MRM3: variants seen among roughly 807,000 people sequenced by gnomAD.
MRM3 encodes mitochondrial rRNA methyltransferase 3.
MRM3 carries 26 observed loss-of-function variants against 29.4 expected under a neutral mutation model. That is an observed-to-expected ratio of 0.89 (90% CI 0.65 to 1.23). The LOEUF (loss-of-function observed/expected upper bound fraction) is 1.23. MRM3 is among the 50% of genes most tolerant of loss of function. The probability of loss-of-function intolerance (pLI) is 0.00; values close to 1 mark genes in which losing one functional copy is unlikely to be tolerated. For synonymous variants in MRM3, 225 were observed against 219.0 expected, an observed-to-expected ratio of 1.03 and a Z score of -0.24; for missense variants, 578 against 540.2, an observed-to-expected ratio of 1.07 and a Z score of -0.69.
At chr17:786,906 C>G (rs186078803) in intron 2 of MRM3, among the ~76,000 whole-genome samples, 2 of 152,172 alleles carry the variant, frequency 1.3e-5, no homozygotes, top group Non-Finnish European at 2.9e-5. Context: ...AATAATTTAA[C>G]AGTCCATAGG....
rs763353815 is a variant in MRM3, at chr17:791,898, G to A, written c.1092G>A (p.Leu364=). The change falls in exon 4 of 4, where the codon CTG becomes CTA. Residue 364 remains leucine (L), a synonymous_variant. Transcript: ENST00000304478. Reference sequence around the variant, plus strand: ...GCGGGGAGACCTACGGCGTGAGCCTGGAGTCCCTGCAGCTGGCCGAGAGCA... The same window carrying A: ...GCGGGGAGACCTACGGCGTGAGCCTAGAGTCCCTGCAGCTGGCCGAGAGCA... The part of the protein sequence containing the change: ...VIGGETYGVS[L]ESLQLAESTG... 3.1e-6 allele frequency: 5 copies of A among 1,613,826 alleles called. No individual in the cohort carries two copies. In the African/African-American group the frequency reaches 6.7e-5, roughly 22 times the overall value.
chr17:782,771 G>A (rs1910210294), intron 1 of MRM3, 79 bp downstream of exon 1: 2 of 1,432,550 alleles, frequency 1.4e-6, no homozygotes, highest in Middle Eastern at 2.4e-4. Flanking sequence ...CCTTCCGATG[G>A]AGGACTTCTT....
At position 792,025 on chromosome 17, in the gene MRM3, C is replaced by CG; in HGVS notation, c.1224dup (p.Arg409GlufsTer18). 6.2e-7 allele frequency: 1 copy of CG among 1,612,624 alleles called. No homozygotes were observed. On this transcript the variant is annotated frameshift_variant, in exon 4 of 4. Coordinates refer to ENST00000304478, the MANE Select transcript of MRM3 (RefSeq NM_018146.4). LOFTEE classifies it high-confidence loss of function. The stretch of plus-strand genomic sequence containing the variant: ...GCTTTTCGAAGGGAAAAGACAGCTG[C>CG]GGGGGAGGGCGGAGGACTTGAGCAG...
chr17:783,000 CTTTA>C, intron 1 of MRM3, 79 bp from the exon 2 acceptor site: 2 of 1,519,692 alleles, frequency 1.3e-6, no homozygotes, highest in Non-Finnish European at 1.8e-6. Flanking sequence ...CTCCGTAGCT[CTTTA>C]TTTCTGTTAC....
Position 789,899 on chromosome 17 carries a change from C to T in MRM3, c.728-1635C>T, listed in dbSNP as rs574548967. The T allele has an allele frequency of 9.2e-5, 14 of 152,346 alleles. No homozygotes were observed. The East Asian group carries it at 2.7e-3, about 29-fold the overall frequency. The allele number at this position is 152,346 out of a possible 1,614,324, so 9.4% of individuals were successfully genotyped here. On this transcript the variant is annotated intron_variant, in intron 3 of 3. Transcript: ENST00000304478. The stretch of plus-strand genomic sequence containing the variant: ...CATGAGGATGACGGGAGGAGTCTCG[C>T]CTTTCCCCTTTCCCTTCTCCCCTCC...
In MRM3 at chr17:783,337, T is replaced by C. The variant is rs371679011; in HGVS notation, c.559+10T>C. 2 of 1,562,666 alleles carry C rather than the reference T, an allele frequency of 1.3e-6. No individual in the cohort carries two copies. Among genetic ancestry groups the C allele is most frequent in the East Asian group, 2.3e-5 (1 of 43,908 alleles). On this transcript the variant is annotated intron_variant, in intron 2 of 3. Coordinates refer to ENST00000304478, the MANE Select transcript of MRM3 (RefSeq NM_018146.4). ...CCACAAGGAATAATGGGTTAGTGAT[T>C]ACCCAGTGTATCTTTTTTTTTTTTT...
intron 3 of MRM3, 114 bp from the exon 4 acceptor site, chr17:791,420 G>A: frequency 1.9e-6 from 2 of 1,073,220 alleles, no homozygotes; most frequent in East Asian, 2.6e-5. Flanking sequence ...CCTCAAGAAA[G>A]CTATCATAGA....
intron 3 of MRM3, among the ~76,000 whole-genome samples, chr17:789,350 G>T (rs1393060493): frequency 2.0e-5 from 3 of 152,186 alleles, no homozygotes; most frequent in African/African-American, 7.2e-5. Context: ...ATGTCATTGT[G>T]ATCCGTTTCC....
chr17:788,493 T>TA (rs1555605536), intron 3 of MRM3, among the ~76,000 whole-genome samples: 89 of 149,302 alleles, frequency 6.0e-4, no homozygotes, highest in African/African-American at 1.8e-3. Flanking sequence ...TTTTTTTTTT[T>TA]ATTAAAGAGA....
Position 782,474 on chromosome 17 carries a change from G to A in MRM3, c.96G>A (p.Ala32=). 2 of 1,613,814 alleles carry A rather than the reference G, an allele frequency of 1.2e-6. No homozygotes were observed. The highest frequency in any genetic ancestry group is 1.7e-5 in the Admixed American group (1 of 60,020). The change falls in exon 1 of 4, where the codon GCG becomes GCA. Residue 32 remains alanine (A), a synonymous_variant. Transcript: ENST00000304478. ...WDLDARRWVR[A]LRRSPVKVVF... ...TTGACGCGAGGCGCTGGGTCCGGGC[G>A]CTGCGGCGGAGCCCAGTGAAAGTGG...
rs778683506 is a variant in MRM3, at chr17:782,394, A to G, written c.16A>G (p.Arg6Gly). The change falls in exon 1 of 4, where the codon AGA becomes GGA. Residue 6 changes from arginine (R) to glycine (G), a missense_variant. Transcript: ENST00000304478. The part of the protein sequence containing the change: MAALV[R>G]PARFVVRPLL... ...CTCAGGGAACATGGCGGCGCTGGTG[A>G]GACCCGCGAGGTTTGTCGTGCGACC... 2.5e-6 allele frequency: 4 copies of G among 1,613,714 alleles called. No homozygotes were observed. The highest frequency in any genetic ancestry group is 2.2e-5 in the East Asian group (1 of 44,872).
intron 3 of MRM3, among the ~76,000 whole-genome samples, chr17:788,541 G>A (rs1910647849): frequency 6.7e-6 from 1 of 149,542 alleles, no homozygotes; most frequent in Non-Finnish European, 1.5e-5. Context: ...GTGTTGAACT[G>A]GCTCTGACTC....
chr17:783,106 C>G lies in MRM3; in HGVS notation c.338C>G (p.Ser113Cys), dbSNP rs1910264324. The change falls in exon 2 of 4, where the codon TCC becomes TGC. Residue 113 changes from serine (S) to cysteine (C), a missense_variant. By Grantham distance (112) the Ser-to-Cys change is moderately radical. Coordinates refer to ENST00000304478, the MANE Select transcript of MRM3 (RefSeq NM_018146.4). ...AGCAGTGTAATGACAATAGTAAAGT[C>G]CAGGCCATTTCGGGAAAAACAAGGG... ...RLSSVMTIVK[S>C]RPFREKQGKI... 1.2e-6 allele frequency: 2 copies of G among 1,613,616 alleles called. No individual in the cohort carries two copies. The highest frequency in any genetic ancestry group is 2.7e-5 in the African/African-American group (2 of 74,924).
Position 787,993 on chromosome 17 carries a change from G to A in MRM3, c.588G>A (p.Lys196=). 1.2e-6 allele frequency: 2 copies of A among 1,614,052 alleles called. No homozygotes were observed. Among genetic ancestry groups the A allele is most frequent in the Non-Finnish European group, 8.5e-7 (1 of 1,180,034 alleles). ...MGIFAKPDHV[K]MTYPKTQLQH... ...TTTTTGCCAAGCCTGACCATGTTAAGATGACATATCCAAAGACTCAGCTTC... is the reference window on the plus strand; with the variant it reads ...TTTTTGCCAAGCCTGACCATGTTAAAATGACATATCCAAAGACTCAGCTTC... The change falls in exon 3 of 4, where the codon AAG becomes AAA. Residue 196 remains lysine, a synonymous_variant. Transcript: ENST00000304478. The surrounding 1 kb of genome is among the most constrained non-coding windows in gnomAD (Gnocchi z 4.1).
chr17:791,096 G>A (rs1281001138), intron 3 of MRM3, among the ~76,000 whole-genome samples: 27 of 152,180 alleles, frequency 1.8e-4, no homozygotes, highest in Admixed American at 1.7e-3. Flanking sequence ...CTCTGCCTGG[G>A]CCTTTATCTC....
intron 2 of MRM3, among the ~76,000 whole-genome samples, chr17:785,191 CATT>C (rs1022855224): frequency 6.6e-6 from 1 of 152,012 alleles, no homozygotes; most frequent in African/African-American, 2.4e-5. Flanking sequence ...AAAAGGTTAT[CATT>C]ATCACCTCTA....
At position 791,796 on chromosome 17, in the gene MRM3, T is replaced by G; in HGVS notation, c.990T>G (p.Ser330Arg). Residue 330 changes from serine to arginine, a missense_variant, in exon 4 of 4, where the codon AGT becomes AGG. Transcript: ENST00000304478. ...EEEEDVETGA[S>R]QDWLPHVEVQ... ...AGGAAGATGTAGAAACCGGAGCCAG[T>G]CAAGATTGGCTGCCTCATGTTGAGG... 6.2e-7 allele frequency: 1 copy of G among 1,614,160 alleles called. No homozygotes were observed. Among genetic ancestry groups the G allele is most frequent in the Non-Finnish European group, 8.5e-7 (1 of 1,180,048 alleles).
At position 783,285 on chromosome 17, in the gene MRM3, A is replaced by G. The variant is rs773466872; in HGVS notation, c.517A>G (p.Ile173Val). The change falls in exon 2 of 4, where the codon ATC (isoleucine) becomes GTC (valine). Residue 173 changes from isoleucine (I) to valine (V), a missense_variant. By Grantham distance (29) the Ile-to-Val change is conservative (BLOSUM62 3). Coordinates refer to ENST00000304478, the MANE Select transcript of MRM3 (RefSeq NM_018146.4). Reference sequence around the variant, plus strand: ...CCTCATTAAGGTGAAATTTGAGGATATCAAGGATTGGTCCGACCTCGTAAC... The same window carrying G: ...CCTCATTAAGGTGAAATTTGAGGATGTCAAGGATTGGTCCGACCTCGTAAC... ...VSLIKVKFEDIKDWSDLVTPQ... is the reference protein window; with the variant it reads ...VSLIKVKFEDVKDWSDLVTPQ... 3 of 1,613,882 alleles carry G rather than the reference A, an allele frequency of 1.9e-6. No individual in the cohort carries two copies. The highest frequency in any genetic ancestry group is 2.5e-6 in the Non-Finnish European group (3 of 1,179,914).
At chr17:788,181 C>G (rs894824578) in intron 3 of MRM3, 49 bp downstream of exon 3, 1 of 1,595,264 alleles carries the variant, frequency 6.3e-7, no homozygotes, top group Non-Finnish European at 8.6e-7. Flanking sequence ...GTAATCCAGC[C>G]CTTTGGGAGG....
Sources: allele counts gnomAD v4.1 joint callset (sites outside exome capture counted in the v4.1 genomes callset), GRCh38; gene constraint gnomAD v4.1.1; non-coding constraint Gnocchi (gnomAD v3.1); transcripts MANE v1.5; gene names NCBI Gene and HGNC (gene_info 2026-07-23, HGNC 2026-07-21).